Variants in HRH1 observed in about 807,000 individuals in gnomAD.
The protein encoded by HRH1 is histamine receptor H1.
In HRH1, 6 loss-of-function variants were observed where a neutral mutation model predicts 10.3. The ratio of observed to expected loss-of-function variants is 0.58; its 90% CI spans 0.32 to 1.15. The LOEUF (loss-of-function observed/expected upper bound fraction) is 1.15. Ranked by LOEUF, HRH1 falls within the 50% of genes most tolerant of loss-of-function variation. The pLI is 0.05. For missense variants in HRH1, 514 were observed against 615.3 expected, an observed-to-expected ratio of 0.84 and a Z score of 1.74; for synonymous variants, 242 against 236.7, an observed-to-expected ratio of 1.02 and a Z score of -0.21.
chr3:11,141,176 G>A (rs1262538562), intron 1 of HRH1, among the ~76,000 whole-genome samples: 1 of 152,176 alleles, frequency 6.6e-6, no homozygotes, highest in Non-Finnish European at 1.5e-5. Flanking sequence ...GGACTCTGCA[G>A]GGAAGAGACT....
chr3:11,212,376 A>G (rs1031136765), intron 1 of HRH1, among the ~76,000 whole-genome samples: 2 of 152,208 alleles, frequency 1.3e-5, no homozygotes, highest in Admixed American at 1.3e-4. Flanking sequence ...CTGGTGAGTC[A>G]TTGCAGACGT....
intron 1 of HRH1, among the ~76,000 whole-genome samples, chr3:11,238,392 T>TA (rs1298934718): frequency 6.6e-6 from 1 of 152,220 alleles, no homozygotes; most frequent in Non-Finnish European, 1.5e-5. Flanking sequence ...GCTAAGCAAC[T>TA]AGTTTGTTTT....
At chr3:11,249,225 T>C (rs1939570676) in intron 1 of HRH1, among the ~76,000 whole-genome samples, 1 of 151,402 alleles carries the variant, frequency 6.6e-6, no homozygotes, top group South Asian at 2.1e-4. Context: ...TGAAACCCCG[T>C]CTCTACTAAA....
chr3:11,194,839 C>A (rs1937611881), intron 1 of HRH1, among the ~76,000 whole-genome samples: 1 of 152,192 alleles, frequency 6.6e-6, no homozygotes, highest in Non-Finnish European at 1.5e-5. Context: ...TGAATAAAGT[C>A]AGCTCAGTTT....
intron 1 of HRH1, among the ~76,000 whole-genome samples, chr3:11,186,936 T>G (rs1574996360): frequency 6.6e-6 from 1 of 152,188 alleles, no homozygotes; most frequent in Non-Finnish European, 1.5e-5. Flanking sequence ...AAGAACCACC[T>G]GGAAAATATT....
chr3:11,202,008 G>T (rs1435895309), intron 1 of HRH1, among the ~76,000 whole-genome samples: 1 of 152,158 alleles, frequency 6.6e-6, no homozygotes, highest in African/African-American at 2.4e-5. Flanking sequence ...GAGGTCTTGG[G>T]GTAATTCAGA....
At chr3:11,173,231 TG>T (rs1370043232) in intron 1 of HRH1, among the ~76,000 whole-genome samples, 1 of 152,186 alleles carries the variant, frequency 6.6e-6, no homozygotes, top group Admixed American at 6.5e-5. Flanking sequence ...GACTTTTTCT[TG>T]GGTTGATTCA....
At chr3:11,149,795 G>A (rs1936560335), upstream of HRH1, among the ~76,000 whole-genome samples, 1 of 152,226 alleles carries the variant, frequency 6.6e-6, no homozygotes, top group African/African-American at 2.4e-5. Flanking sequence ...GTTCACTAAA[G>A]CTCAAAGACT....
At chr3:11,181,727 G>C (rs945403972) in intron 1 of HRH1, among the ~76,000 whole-genome samples, 4 of 150,180 alleles carry the variant, frequency 2.7e-5, no homozygotes, top group Non-Finnish European at 5.9e-5. Context: ...TGCCTCCCGG[G>C]TTTACAACAT....
upstream of HRH1, among the ~76,000 whole-genome samples, chr3:11,152,857 T>G (rs1363130674): frequency 6.6e-6 from 1 of 151,904 alleles, no homozygotes; most frequent in Non-Finnish European, 1.5e-5. Context: ...TGTGCTAATG[T>G]GCAGAGGGCT....
At chr3:11,175,467 C>T (rs958608553) in intron 1 of HRH1, among the ~76,000 whole-genome samples, 1 of 152,110 alleles carries the variant, frequency 6.6e-6, no homozygotes, top group African/African-American at 2.4e-5. Flanking sequence ...AACCCAGTGT[C>T]CCTTTTATAA....
chr3:11,146,479 T>A (rs114108713), intron 1 of HRH1, among the ~76,000 whole-genome samples: 1 of 152,146 alleles, frequency 6.6e-6, no homozygotes, highest in South Asian at 2.1e-4. Context: ...ATGGTCCCTA[T>A]GGGGAAATGC....
chr3:11,229,262 C>A (rs1158388181), intron 1 of HRH1, among the ~76,000 whole-genome samples: 1 of 152,170 alleles, frequency 6.6e-6, no homozygotes, highest in Non-Finnish European at 1.5e-5. Context: ...AAGACACATC[C>A]TCTTCCTGGA....
intron 1 of HRH1, among the ~76,000 whole-genome samples, chr3:11,182,228 C>G (rs752035612): frequency 1.3e-5 from 2 of 152,052 alleles, no homozygotes; most frequent in African/African-American, 4.8e-5. Flanking sequence ...TGATCCACCC[C>G]GCCTTGGCCT....
At chr3:11,164,366 G>A (rs1352276840) in intron 1 of HRH1, among the ~76,000 whole-genome samples, 1 of 152,144 alleles carries the variant, frequency 6.6e-6, no homozygotes, top group African/African-American at 2.4e-5. Flanking sequence ...TTGAGGGACA[G>A]TGTTGCTTCT....
At chr3:11,200,733 C>G (rs931491261) in intron 1 of HRH1, among the ~76,000 whole-genome samples, 1 of 152,056 alleles carries the variant, frequency 6.6e-6, no homozygotes, top group Non-Finnish European at 1.5e-5. Flanking sequence ...ATTACCTAAC[C>G]CTTACGCAGA....
chr3:11,182,605 G>C (rs4684763), intron 1 of HRH1, among the ~76,000 whole-genome samples: 20,123 of 152,128 alleles, frequency 0.13, 1,762 homozygotes, highest in Admixed American at 0.29. Flanking sequence ...TGGAATGAGC[G>C]CAGCTGCGTG....
intron 1 of HRH1, among the ~76,000 whole-genome samples, chr3:11,189,721 C>A (rs1041414869): frequency 4.0e-5 from 6 of 151,396 alleles, no homozygotes; most frequent in African/African-American, 9.7e-5. Context: ...CACTGGAGTT[C>A]GAGACCAGCC....
intron 1 of HRH1, among the ~76,000 whole-genome samples, chr3:11,196,281 C>T (rs1000208825): frequency 6.6e-6 from 1 of 152,220 alleles, no homozygotes; most frequent in Non-Finnish European, 1.5e-5. Context: ...TTTGCTTGTG[C>T]CATTCCTTCA....
Sources: gnomAD v4.1 joint callset for allele counts (sites outside exome capture counted in the v4.1 genomes callset) on GRCh38, gnomAD v4.1.1 for gene constraint, MANE v1.5 for transcripts, NCBI Gene and HGNC (gene_info 2026-07-23, HGNC 2026-07-21) for gene names.